DOCK3: variants seen among roughly 807,000 people sequenced by gnomAD.
DOCK3 encodes the protein dedicator of cytokinesis 3.
Under a neutral mutation model 265.6 loss-of-function variants are expected in DOCK3, and 60 were observed. The observed-to-expected ratio is 0.23, with a 90% CI of 0.18 to 0.28. The LOEUF (loss-of-function observed/expected upper bound fraction) is 0.28. DOCK3 is among the 10% of genes least tolerant of loss of function. The probability of loss-of-function intolerance (pLI) is 1.00; values close to 1 mark genes in which losing one functional copy is unlikely to be tolerated. For missense variants in DOCK3, 1,981 were observed against 2,594.3 expected (o/e 0.76, Z 5.14); for synonymous variants, 881 against 938.0 (o/e 0.94, Z 1.11).
chr3:50,713,722 A>T (rs1415680500), intron 1 of DOCK3, among the ~76,000 whole-genome samples: 2 of 151,852 alleles, frequency 1.3e-5, no homozygotes, highest in Non-Finnish European at 2.9e-5. Context: ...AGATTTCGCC[A>T]TTTGGATGTC....
intron 5 of DOCK3, among the ~76,000 whole-genome samples, chr3:51,039,098 G>A (rs1277380939): frequency 6.6e-6 from 1 of 151,780 alleles, no homozygotes; most frequent in African/African-American, 2.4e-5. Flanking sequence ...TGGGTTCAAG[G>A]GGTTATCCTG....
At chr3:50,773,130 T>A (rs541676653) in intron 1 of DOCK3, among the ~76,000 whole-genome samples, 1 of 151,924 alleles carries the variant, frequency 6.6e-6, no homozygotes, top group Admixed American at 6.6e-5. Context: ...CTAAAATAAG[T>A]CCACAGTTAC....
intron 9 of DOCK3, among the ~76,000 whole-genome samples, chr3:51,140,061 GAA>G (rs1325541809): frequency 6.6e-6 from 1 of 152,184 alleles, no homozygotes; most frequent in Non-Finnish European, 1.5e-5. Flanking sequence ...AGTAAACCAC[GAA>G]AAAGTTTGTT....
intron 23 of DOCK3, among the ~76,000 whole-genome samples, chr3:51,260,818 C>A (rs960000940): frequency 4.0e-5 from 6 of 151,724 alleles, no homozygotes; most frequent in African/African-American, 1.5e-4. Context: ...CCCATCTCTA[C>A]TAAAAATACA....
At position 51,078,354 on chromosome 3, in the gene DOCK3, T is replaced by C. The variant is rs193237886; in HGVS notation, c.549+2914T>C. Among the ~76,000 whole-genome samples, 3 of 152,224 alleles carry C rather than the reference T, an allele frequency of 2.0e-5. No homozygotes were observed. The East Asian group carries it at 5.8e-4, about 29-fold the overall frequency. On this transcript the variant is annotated intron_variant, in intron 7 of 52. Coordinates refer to ENST00000266037, the MANE Select transcript of DOCK3 (RefSeq NM_004947.5). ...GTAGGAGAGAAAACGTTTAAAAGTT[T>C]AGAGGTTCAATTCAGGAAGCCCAGT...
chr3:51,035,331 A>G (rs371616477), intron 5 of DOCK3, among the ~76,000 whole-genome samples: 2 of 152,210 alleles, frequency 1.3e-5, no homozygotes, highest in Middle Eastern at 3.4e-3. Flanking sequence ...TTTCAAGTTC[A>G]CCAACTCTTT....
chr3:50,912,761 C>A (rs1454248108), intron 4 of DOCK3, among the ~76,000 whole-genome samples: 2 of 152,052 alleles, frequency 1.3e-5, no homozygotes, highest in African/African-American at 2.4e-5. Context: ...TACTGCCAGA[C>A]TACTGTTGAT....
chr3:51,334,734 C>G (rs1424986550), intron 35 of DOCK3, among the ~76,000 whole-genome samples: 1 of 152,188 alleles, frequency 6.6e-6, no homozygotes, highest in East Asian at 1.9e-4. Context: ...GCACCTCCCC[C>G]TTTCCAAAAC....
intron 5 of DOCK3, among the ~76,000 whole-genome samples, chr3:51,044,288 G>A (rs886916778): frequency 5.3e-5 from 8 of 152,112 alleles, no homozygotes; most frequent in African/African-American, 1.9e-4. Flanking sequence ...GGACATGGAT[G>A]GAGCTGGAGG....
At chr3:50,877,143 T>TC in intron 3 of DOCK3, 2 of 281,112 alleles carry the variant, frequency 7.1e-6, no homozygotes, top group Admixed American at 8.8e-5. Flanking sequence ...TACCAGGCAT[T>TC]CCCCCTGGGA....
intron 5 of DOCK3, among the ~76,000 whole-genome samples, chr3:50,938,531 C>T (rs140470091): frequency 0.013 from 1,968 of 151,786 alleles, 29 homozygotes; most frequent in Non-Finnish European, 0.022. Flanking sequence ...AGAACAAATT[C>T]GACAAGTTTG....
At chr3:51,183,978 G>A (rs1560174873) in intron 12 of DOCK3, among the ~76,000 whole-genome samples, 1 of 152,108 alleles carries the variant, frequency 6.6e-6, no homozygotes, top group Non-Finnish European at 1.5e-5. Flanking sequence ...ACCATACCTA[G>A]AGCCTAGATC....
At chr3:50,732,225 G>A (rs1342860665) in intron 1 of DOCK3, among the ~76,000 whole-genome samples, 1 of 152,048 alleles carries the variant, frequency 6.6e-6, no homozygotes, top group Non-Finnish European at 1.5e-5. Flanking sequence ...ATGGACTCAG[G>A]GAGGGGAACA....
At chr3:51,231,867 T>A (rs2078137278) in intron 19 of DOCK3, among the ~76,000 whole-genome samples, 1 of 152,206 alleles carries the variant, frequency 6.6e-6, no homozygotes, top group African/African-American at 2.4e-5. Flanking sequence ...CTAGGTTTTC[T>A]TCTAGGATTC....
intron 49 of DOCK3, among the ~76,000 whole-genome samples, chr3:51,365,578 A>G (rs2087087274): frequency 6.6e-6 from 1 of 152,168 alleles, no homozygotes; most frequent in South Asian, 2.1e-4. Context: ...GTTCAAAGGG[A>G]ATGCTTCCAG....
intron 1 of DOCK3, among the ~76,000 whole-genome samples, chr3:50,717,131 T>G (rs1176144022): frequency 6.6e-6 from 1 of 152,208 alleles, no homozygotes; most frequent in Admixed American, 6.5e-5. Flanking sequence ...ATGCCATAAT[T>G]TAACCAGTTC....
At chr3:50,946,094 TAAAAAAA>T (rs35670695) in intron 5 of DOCK3, among the ~76,000 whole-genome samples, 5 of 91,716 alleles carry the variant, frequency 5.5e-5, no homozygotes, top group African/African-American at 2.0e-4. Flanking sequence ...CCCCATCTCT[TAAAAAAA>T]AAAAAAAAAA....
At chr3:51,221,903 T>G (rs945111691) in intron 14 of DOCK3, among the ~76,000 whole-genome samples, 4 of 152,166 alleles carry the variant, frequency 2.6e-5, no homozygotes, top group African/African-American at 9.7e-5. Context: ...GCATGCTGCC[T>G]AAGAGCTGCC....
At position 50,729,761 on chromosome 3, in the gene DOCK3, T is replaced by G. The variant is rs552630515; in HGVS notation, c.38-48914T>G. Among the ~76,000 whole-genome samples, 28 of 151,950 alleles carry G rather than the reference T, an allele frequency of 1.8e-4. 1 individual carries two copies. In the South Asian group the frequency reaches 5.6e-3, roughly 30 times the overall value. On this transcript the variant is annotated intron_variant, in intron 1 of 52. Transcript: ENST00000266037. ...ATTTTGAACTCCTGGCCTCAAGTGA[T>G]CCTCTCAGCCTCCCATATTGCTGGG...
Sources: allele counts gnomAD v4.1 joint callset (sites outside exome capture counted in the v4.1 genomes callset), GRCh38; gene constraint gnomAD v4.1.1; transcripts MANE v1.5; gene names NCBI Gene and HGNC (gene_info 2026-07-23, HGNC 2026-07-21).